IMMP2L: variants seen among roughly 807,000 people sequenced by gnomAD.
The protein encoded by IMMP2L is mitochondrial inner membrane protease subunit 2.
IMMP2L carries 18 observed loss-of-function variants against 19.3 expected under a neutral mutation model. That is an observed-to-expected ratio of 0.93 (90% CI 0.64 to 1.38). The LOEUF (loss-of-function observed/expected upper bound fraction) is 1.38, where lower values mean the gene tolerates loss of function less well. Ranked by LOEUF, IMMP2L falls within the 40% of genes most tolerant of loss-of-function variation. IMMP2L has a pLI of 0.00. For missense variants in IMMP2L, 233 were observed against 218.2 expected (o/e 1.07, Z -0.43); for synonymous variants, 76 against 73.0 (o/e 1.04, Z -0.21).
chr7:110,732,000 A>C (rs554880085), intron 5 of IMMP2L, among the ~76,000 whole-genome samples: 3 of 152,220 alleles, frequency 2.0e-5, no homozygotes, highest in African/African-American at 7.2e-5. Flanking sequence ...ATTAATGAAG[A>C]CTATAAGAGC....
chr7:111,129,687 C>A (rs1463035086), intron 3 of IMMP2L, among the ~76,000 whole-genome samples: 1 of 152,100 alleles, frequency 6.6e-6, no homozygotes, highest in Non-Finnish European at 1.5e-5. Context: ...AAAGACAGAA[C>A]TGACTCCAGT....
intron 3 of IMMP2L, among the ~76,000 whole-genome samples, chr7:111,223,314 T>C (rs190784764): frequency 6.3e-4 from 95 of 151,358 alleles, no homozygotes; most frequent in Admixed American, 4.7e-3. Flanking sequence ...TAAAATACGA[T>C]AAAACTGGAT....
At chr7:110,818,267 G>GA (rs1802714582) in intron 5 of IMMP2L, among the ~76,000 whole-genome samples, 1 of 151,806 alleles carries the variant, frequency 6.6e-6, no homozygotes, top group Non-Finnish European at 1.5e-5. Flanking sequence ...AAATTTACAA[G>GA]AAAAAAACAA....
intron 4 of IMMP2L, among the ~76,000 whole-genome samples, chr7:110,910,933 T>A (rs1302882700): frequency 6.6e-6 from 1 of 152,158 alleles, no homozygotes; most frequent in African/African-American, 2.4e-5. Flanking sequence ...TGTATGTTAA[T>A]GTTATTGTGA....
chr7:111,450,255 C>G (rs1387004880), intron 3 of IMMP2L, among the ~76,000 whole-genome samples: 1 of 150,442 alleles, frequency 6.6e-6, no homozygotes, highest in Non-Finnish European at 1.5e-5. Context: ...ATCGCCAGGT[C>G]AATCCTAAGC....
chr7:110,824,736 G>T (rs1449652397), intron 5 of IMMP2L, among the ~76,000 whole-genome samples: 1 of 152,040 alleles, frequency 6.6e-6, no homozygotes, highest in East Asian at 1.9e-4. Context: ...GTTTCAAGTG[G>T]CTTGTTCAGC....
intron 5 of IMMP2L, among the ~76,000 whole-genome samples, chr7:110,737,500 AC>A (rs1373962103): frequency 1.1e-4 from 16 of 152,196 alleles, no homozygotes; most frequent in African/African-American, 3.6e-4. Context: ...CCCATCTGCC[AC>A]AGCAGTCGCA....
intron 3 of IMMP2L, among the ~76,000 whole-genome samples, chr7:111,212,921 T>C (rs1181251883): frequency 6.6e-6 from 1 of 152,158 alleles, no homozygotes. Flanking sequence ...GAGTTCTCAA[T>C]CCTCATGACG....
intron 5 of IMMP2L, among the ~76,000 whole-genome samples, chr7:110,850,426 G>A (rs146691823): frequency 6.6e-6 from 1 of 152,036 alleles, no homozygotes; most frequent in African/African-American, 2.4e-5. Context: ...CTCTCAATTT[G>A]CATTGACCTG....
intron 3 of IMMP2L, among the ~76,000 whole-genome samples, chr7:111,453,205 C>G (rs745336423): frequency 3.3e-5 from 5 of 152,168 alleles, no homozygotes; most frequent in Admixed American, 6.6e-5. Context: ...CTGTTCGTAG[C>G]TGACCTCATT....
chr7:111,363,195 A>G (rs1035057528), intron 3 of IMMP2L, among the ~76,000 whole-genome samples: 1 of 152,084 alleles, frequency 6.6e-6, no homozygotes, highest in African/African-American at 2.4e-5. Flanking sequence ...TGCCACAATA[A>G]TCACAATACT....
chr7:110,910,792 CTT>C (rs762467783), intron 4 of IMMP2L, among the ~76,000 whole-genome samples: 18 of 152,142 alleles, frequency 1.2e-4, no homozygotes, highest in Non-Finnish European at 2.2e-4. Flanking sequence ...ATAATTCTCT[CTT>C]CTTACTCATT....
chr7:111,509,826 T>A (rs946646306), intron 2 of IMMP2L, among the ~76,000 whole-genome samples: 8 of 151,968 alleles, frequency 5.3e-5, no homozygotes, highest in African/African-American at 1.9e-4. Flanking sequence ...AAAAAAAAAA[T>A]TTTAATGATC....
intron 3 of IMMP2L, among the ~76,000 whole-genome samples, chr7:111,369,189 T>A (rs1830058824): frequency 6.6e-6 from 1 of 151,938 alleles, no homozygotes; most frequent in Admixed American, 6.6e-5. Context: ...AGGGATGACA[T>A]TACATATCTT....
intron 3 of IMMP2L, among the ~76,000 whole-genome samples, chr7:111,276,293 A>G (rs1706323779): frequency 6.6e-6 from 1 of 152,098 alleles, no homozygotes; most frequent in Admixed American, 6.6e-5. Flanking sequence ...CTTGAGATAA[A>G]TCCCACATGA....
intron 3 of IMMP2L, among the ~76,000 whole-genome samples, chr7:111,342,144 G>A (rs1827072707): frequency 6.6e-6 from 1 of 152,076 alleles, no homozygotes; most frequent in Non-Finnish European, 1.5e-5. Flanking sequence ...ATTTGATACT[G>A]GATTGTAGAG....
intron 5 of IMMP2L, among the ~76,000 whole-genome samples, chr7:110,854,007 G>T (rs187799911): frequency 3.4e-4 from 51 of 151,984 alleles, no homozygotes; most frequent in Admixed American, 3.1e-3. Context: ...TCTGTTTAAA[G>T]TATGGACTAA....
chr7:111,474,435 T>C (rs1841544368), intron 3 of IMMP2L, among the ~76,000 whole-genome samples: 1 of 151,824 alleles, frequency 6.6e-6, no homozygotes, highest in Admixed American at 6.6e-5. Context: ...AAAGCAAAAG[T>C]GAATATTCAA....
At chr7:110,719,650 A>G (rs897421317) in intron 5 of IMMP2L, among the ~76,000 whole-genome samples, 1 of 152,208 alleles carries the variant, frequency 6.6e-6, no homozygotes, top group Non-Finnish European at 1.5e-5. Flanking sequence ...TAGATGCTTT[A>G]TTCTTCTTGA....
Sources: allele counts gnomAD v4.1 joint callset (sites outside exome capture counted in the v4.1 genomes callset), GRCh38; gene constraint gnomAD v4.1.1; transcripts MANE v1.5; gene names NCBI Gene and HGNC (gene_info 2026-07-23, HGNC 2026-07-21).